The following ARHGEF11 variants were observed in gnomAD, a reference collection of about 807,000 sequenced individuals.
ARHGEF11 encodes Rho guanine exchange factor (GEF) 11.
In ARHGEF11, 55 loss-of-function variants were observed where a neutral mutation model predicts 193.7. The observed-to-expected ratio is 0.28, with a 90% CI of 0.23 to 0.36. The LOEUF (loss-of-function observed/expected upper bound fraction) is 0.36, where lower values mean the gene tolerates loss of function less well. Ranked by LOEUF, ARHGEF11 falls within the 10% of genes least tolerant of loss-of-function variation. The probability of loss-of-function intolerance (pLI) is 1.00; values close to 1 mark genes in which losing one functional copy is unlikely to be tolerated. For missense variants in ARHGEF11, 1,723 were observed against 2,005.6 expected (o/e 0.86, Z 2.69); for synonymous variants, 693 against 768.0 (o/e 0.90, Z 1.62).
intron 1 of ARHGEF11, among the ~76,000 whole-genome samples, chr1:157,012,893 T>C (rs1182467361): frequency 6.6e-6 from 1 of 152,212 alleles, no homozygotes; most frequent in Non-Finnish European, 1.5e-5. Context: ...TACTGTCTAA[T>C]GTACATGAAG....
intron 1 of ARHGEF11, among the ~76,000 whole-genome samples, chr1:157,036,128 A>AAT (rs1350136731): frequency 7.2e-6 from 1 of 139,556 alleles, no homozygotes; most frequent in African/African-American, 2.8e-5. Flanking sequence ...TATATATGAA[A>AAT]ATATATATAT....
intron 1 of ARHGEF11, among the ~76,000 whole-genome samples, chr1:157,002,861 T>C (rs1300340494): frequency 2.0e-5 from 3 of 152,228 alleles, no homozygotes; most frequent in Non-Finnish European, 4.4e-5. Flanking sequence ...ATGCTGGCCC[T>C]GACATTTATT....
chr1:156,983,311 C>A (rs1236121137), intron 3 of ARHGEF11, among the ~76,000 whole-genome samples: 1 of 152,188 alleles, frequency 6.6e-6, no homozygotes, highest in Admixed American at 6.5e-5. Context: ...CAAGCTCCGG[C>A]CACGGGTTCA....
intron 7 of ARHGEF11, among the ~76,000 whole-genome samples, chr1:156,976,135 G>A (rs1037483558): frequency 1.4e-4 from 21 of 151,902 alleles, no homozygotes; most frequent in African/African-American, 4.1e-4. Context: ...ACACACACAC[G>A]GTATCTAGCA....
intron 1 of ARHGEF11, among the ~76,000 whole-genome samples, chr1:157,005,905 A>G (rs565112548): frequency 6.6e-6 from 1 of 152,298 alleles, no homozygotes; most frequent in Non-Finnish European, 1.5e-5. Flanking sequence ...GGTTTCCCCA[A>G]CTAAGCTGCA....
intron 7 of ARHGEF11, among the ~76,000 whole-genome samples, chr1:156,972,837 C>T (rs951335930): frequency 2.0e-5 from 3 of 152,040 alleles, no homozygotes; most frequent in Non-Finnish European, 2.9e-5. Flanking sequence ...AAAAGTTAAC[C>T]CTCTGACTGC....
At chr1:156,987,314 CAG>C (rs1197714091) in intron 1 of ARHGEF11, among the ~76,000 whole-genome samples, 2 of 152,122 alleles carry the variant, frequency 1.3e-5, no homozygotes, top group East Asian at 3.9e-4. Flanking sequence ...TACAATGACA[CAG>C]AACTCAGTCA....
chr1:156,941,263 C>T, intron 35 of ARHGEF11, 109 bp downstream of exon 35: 1 of 1,005,418 alleles, frequency 9.9e-7, no homozygotes, highest in Non-Finnish European at 1.6e-6. Context: ...ATCAAAACCT[C>T]ACACCCCGGG....
intron 1 of ARHGEF11, among the ~76,000 whole-genome samples, chr1:157,024,127 T>G (rs549386868): frequency 8.5e-5 from 13 of 152,180 alleles, no homozygotes; most frequent in Non-Finnish European, 7.3e-5. Flanking sequence ...TGATACATGC[T>G]ACACCACAAT....
intron 1 of ARHGEF11, among the ~76,000 whole-genome samples, chr1:157,010,746 C>T (rs1668445486): frequency 6.6e-6 from 1 of 151,696 alleles, no homozygotes; most frequent in Admixed American, 6.6e-5. Flanking sequence ...GTGAACAATA[C>T]AAAAATGAAA....
At chr1:156,983,314 C>T (rs1664462277) in intron 3 of ARHGEF11, among the ~76,000 whole-genome samples, 2 of 152,216 alleles carry the variant, frequency 1.3e-5, no homozygotes, top group South Asian at 2.1e-4. Flanking sequence ...GCTCCGGCCA[C>T]GGGTTCATGC....
At chr1:157,002,498 T>C (rs978389721) in intron 1 of ARHGEF11, among the ~76,000 whole-genome samples, 12 of 152,152 alleles carry the variant, frequency 7.9e-5, no homozygotes, top group African/African-American at 2.9e-4. Context: ...CTAGTAAACT[T>C]TCCTAACTAG....
chr1:156,982,632 C>T (rs560570280), intron 3 of ARHGEF11, among the ~76,000 whole-genome samples: 138 of 152,154 alleles, frequency 9.1e-4, no homozygotes, highest in Non-Finnish European at 1.8e-3. Context: ...CTTCTTTCTT[C>T]TCTGGGTCTG....
intron 1 of ARHGEF11, among the ~76,000 whole-genome samples, chr1:156,994,289 T>C (rs567663409): frequency 1.3e-5 from 2 of 152,270 alleles, no homozygotes; most frequent in South Asian, 4.2e-4. Context: ...GAAGGACCCA[T>C]ATACGTCCTT....
Position 156,984,328 on chromosome 1 carries a change from G to A in ARHGEF11, c.223+11C>T. On this transcript the variant is annotated intron_variant, in intron 3 of 40. Transcript: ENST00000368194. ...ACTGTCCACCGTGGGCAGGAGGGAT[G>A]CAGCACTCACCAGGCCGCACAGACT... is the stretch of plus-strand genomic sequence containing the variant. 1 of 1,573,778 alleles carries A rather than the reference G, an allele frequency of 6.4e-7. No individual in the cohort carries two copies. The highest frequency in any genetic ancestry group is 1.2e-5 in the South Asian group (1 of 85,898).
chr1:157,015,391 T>C (rs1004144483), intron 1 of ARHGEF11, among the ~76,000 whole-genome samples: 4 of 152,206 alleles, frequency 2.6e-5, no homozygotes, highest in Non-Finnish European at 5.9e-5. Context: ...AATTATTATG[T>C]GCAAAGTTCT....
At chr1:156,941,167 C>T (rs991820728) in intron 35 of ARHGEF11, among the ~76,000 whole-genome samples, 1 of 152,096 alleles carries the variant, frequency 6.6e-6, no homozygotes, top group African/African-American at 2.4e-5. Flanking sequence ...GTCAGGTGAG[C>T]GAGTTCACCC....
intron 6 of ARHGEF11, among the ~76,000 whole-genome samples, 198 bp from the exon 7 acceptor site, chr1:156,977,252 C>T (rs1663394827): frequency 6.6e-6 from 1 of 152,156 alleles, no homozygotes; most frequent in South Asian, 2.1e-4. Context: ...GCTGTAATCA[C>T]CTTTGGTATC....
intron 11 of ARHGEF11, 75 bp from the exon 12 acceptor site, chr1:156,963,669 T>A: frequency 6.3e-7 from 1 of 1,577,554 alleles, no homozygotes; most frequent in Non-Finnish European, 8.6e-7. Flanking sequence ...GTGAAGTTTG[T>A]TTAGTTGCAG....
Sources: gnomAD v4.1 joint callset for allele counts (sites outside exome capture counted in the v4.1 genomes callset) on GRCh38, gnomAD v4.1.1 for gene constraint, MANE v1.5 for transcripts, NCBI Gene and HGNC (gene_info 2026-07-23, HGNC 2026-07-21) for gene names.